HSD3B7: variants seen among roughly 807,000 people sequenced by gnomAD.
The protein encoded by HSD3B7 is 3 beta-hydroxysteroid dehydrogenase type 7.
HSD3B7 carries 35 observed loss-of-function variants against 34.3 expected under a neutral mutation model. The observed-to-expected ratio is 1.02, with a 90% CI of 0.78 to 1.35. The LOEUF (loss-of-function observed/expected upper bound fraction) is 1.35, where lower values mean the gene tolerates loss of function less well. Ranked by LOEUF, HSD3B7 falls within the 40% of genes most tolerant of loss-of-function variation. HSD3B7 has a pLI of 0.00. For missense variants in HSD3B7, 426 were observed against 504.7 expected (o/e 0.84, Z 1.49); for synonymous variants, 217 against 220.1 (o/e 0.99, Z 0.13).
chr16:30,986,497 G>T lies in HSD3B7; in HGVS notation c.397G>T (p.Val133Leu), dbSNP rs751006662. 1 of 1,614,172 alleles carries T rather than the reference G, an allele frequency of 6.2e-7. No individual in the cohort carries two copies. Among genetic ancestry groups the T allele is most frequent in the Non-Finnish European group, 8.5e-7 (1 of 1,180,018 alleles). Reference sequence around the variant, plus strand: ...GGTCTACACCAGCAGCATGGAAGTTGTGGGGCCTAACACCAAAGGTCACCC... The same window carrying T: ...GGTCTACACCAGCAGCATGGAAGTTTTGGGGCCTAACACCAAAGGTCACCC... Reference protein sequence around the residue: ...FLVYTSSMEVVGPNTKGHPFY... With the variant: ...FLVYTSSMEVLGPNTKGHPFY... Residue 133 changes from valine to leucine, a missense_variant, in exon 4 of 7, where the codon GTG (valine) becomes TTG (leucine). Transcript: ENST00000297679.
chr16:30,985,525 C>T (rs1210176662), intron 1 of HSD3B7, 128 bp from the exon 2 acceptor site: 1 of 1,521,708 alleles, frequency 6.6e-7, no homozygotes, highest in Non-Finnish European at 8.8e-7. Flanking sequence ...GTTGCTGCAG[C>T]TCCCAGGATC....
intron 5 of HSD3B7, 64 bp from the exon 6 acceptor site, chr16:30,986,776 G>T: frequency 6.2e-7 from 1 of 1,612,582 alleles, no homozygotes. Context: ...CCAGCCCAAG[G>T]AGGCCGGGGC....
At position 30,986,410 on chromosome 16, in the gene HSD3B7, C is replaced by T. The variant is rs2056478492; in HGVS notation, c.323-13C>T. ...AAGAAGCTGCAGCTTGGATACGCCT[C>T]CTCCTCTGCCAGGTACCCGGAACGT... On this transcript the variant is annotated splice_polypyrimidine_tract_variant and intron_variant, in intron 3 of 6. Coordinates refer to ENST00000297679, the MANE Select transcript of HSD3B7 (RefSeq NM_025193.4). The T allele has an allele frequency of 6.2e-7, 1 of 1,611,872 alleles. No homozygotes were observed. Among genetic ancestry groups the T allele is most frequent in the Non-Finnish European group, 8.5e-7 (1 of 1,178,014 alleles).
chr16:30,987,025 G>C, intron 6 of HSD3B7, 23 bp downstream of exon 6: 1 of 1,598,842 alleles, frequency 6.3e-7, no homozygotes, highest in South Asian at 1.1e-5. Context: ...CTAGGCAGGG[G>C]GAGGCTGAGA....
chr16:30,988,245 A>T lies in HSD3B7; in HGVS notation c.*62A>T. On this transcript the variant is annotated 3_prime_UTR_variant, in exon 7 of 7. Transcript: ENST00000297679. Reference sequence around the variant, plus strand: ...ATCCACCCAGGTCCCGAGCCCTCACACCCTGGACGGGAAGGGACAGCTGCA... The same window carrying T: ...ATCCACCCAGGTCCCGAGCCCTCACTCCCTGGACGGGAAGGGACAGCTGCA... 1 of 1,482,234 alleles carries T rather than the reference A, an allele frequency of 6.7e-7. No homozygotes were observed. Among genetic ancestry groups the T allele is most frequent in the East Asian group, 2.5e-5 (1 of 40,658 alleles). 91.8% of individuals were successfully genotyped at this position (1,482,234 alleles called of 1,614,324 possible). A position where few individuals can be genotyped will look rare whatever the true frequency, so the allele number is the denominator to read the frequency against.
In HSD3B7 at chr16:30,986,618, A is replaced by T. The variant is rs762663539; in HGVS notation, c.445A>T (p.Thr149Ser). 5.6e-6 allele frequency: 9 copies of T among 1,614,128 alleles called. No homozygotes were observed. In the South Asian group the frequency reaches 9.9e-5, roughly 18 times the overall value. The change falls in exon 5 of 7, where the codon ACC becomes TCC. Residue 149 changes from threonine (T) to serine (S), a missense_variant. Physicochemically the swap from Thr to Ser is moderately conservative, Grantham distance 58 (BLOSUM62 1). Coordinates refer to ENST00000297679, the MANE Select transcript of HSD3B7 (RefSeq NM_025193.4). Reference protein sequence around the residue: ...GHPFYRGNEDTPYEAVHRHPY... With the variant: ...GHPFYRGNEDSPYEAVHRHPY... ...TCCTCCCACCAGGGGCAACGAAGACACCCCATACGAAGCAGTGCACAGGCA... is the reference window on the plus strand; with the variant it reads ...TCCTCCCACCAGGGGCAACGAAGACTCCCCATACGAAGCAGTGCACAGGCA...
Sources: gnomAD v4.1 joint callset for allele counts on GRCh38, gnomAD v4.1.1 for gene constraint, MANE v1.5 for transcripts, NCBI Gene and HGNC (gene_info 2026-07-23, HGNC 2026-07-21) for gene names.